The following RBBP8 variants were observed in gnomAD, a reference collection of about 807,000 sequenced individuals.
The protein encoded by RBBP8 is RB binding protein 8, endonuclease.
In RBBP8, 88 loss-of-function variants were observed where a neutral mutation model predicts 108.3. That is an observed-to-expected ratio of 0.81 (90% confidence interval 0.68 to 0.97). RBBP8 has a LOEUF of 0.97. RBBP8 is among the 50% of genes least tolerant of loss of function. RBBP8 has a pLI of 0.00. For synonymous variants in RBBP8, 332 were observed against 348.2 expected, an observed-to-expected ratio of 0.95 and a Z score of 0.52; for missense variants, 1,023 against 1,049.0, an observed-to-expected ratio of 0.98 and a Z score of 0.34.
At chr18:22,945,656 TTA>T (rs1911498654) in intron 2 of RBBP8, among the ~76,000 whole-genome samples, 1 of 151,930 alleles carries the variant, frequency 6.6e-6, no homozygotes, top group South Asian at 2.1e-4. Context: ...GGTGCTGGTA[TTA>T]CAGGCATGAA....
intron 14 of RBBP8, among the ~76,000 whole-genome samples, chr18:23,000,735 C>A (rs1433530863): frequency 6.8e-6 from 1 of 146,016 alleles, no homozygotes. Flanking sequence ...AGCAAGACTC[C>A]GTCTCAAAAA....
At chr18:22,975,813 G>A (rs1050934060) in intron 6 of RBBP8, among the ~76,000 whole-genome samples, 10 of 151,994 alleles carry the variant, frequency 6.6e-5, no homozygotes, top group African/African-American at 1.7e-4. Flanking sequence ...TCTTACAGCT[G>A]GTAGGTAATA....
rs886053659 is a variant in RBBP8 at position 22,936,769 on chromosome 18, A to G, written c.-83A>G. On this transcript the variant is annotated 5_prime_UTR_variant, in exon 2 of 19. Transcript: ENST00000327155. Reference sequence around the variant, plus strand: ...GTCATTTCAGGTATTTGACCTGTCCAAAGACGACTTGATACCTCTATAATG... The same window carrying G: ...GTCATTTCAGGTATTTGACCTGTCCGAAGACGACTTGATACCTCTATAATG... The G allele has an allele frequency of 1.1e-5, 17 of 1,544,154 alleles. No homozygotes were observed. The highest frequency in any genetic ancestry group is 1.4e-5 in the Non-Finnish European group (16 of 1,119,566).
chr18:22,997,193 G>GCTAAATACAC (rs2045874407), intron 13 of RBBP8, among the ~76,000 whole-genome samples: 2 of 152,302 alleles, frequency 1.3e-5, no homozygotes, highest in Admixed American at 6.5e-5. Flanking sequence ...AGTTTCAGAA[G>GCTAAATACAC]TTCTCTTTCA....
At chr18:23,016,350 G>T (rs2046255388) in intron 16 of RBBP8, among the ~76,000 whole-genome samples, 1 of 152,040 alleles carries the variant, frequency 6.6e-6, no homozygotes, top group African/African-American at 2.4e-5. Context: ...TTCAAGACTA[G>T]CCTGGCCAAC....
chr18:22,986,660 C>T (rs1391674612), intron 8 of RBBP8, among the ~76,000 whole-genome samples: 3 of 152,072 alleles, frequency 2.0e-5, no homozygotes, highest in Non-Finnish European at 4.4e-5. Flanking sequence ...AAAGAGGGAA[C>T]AATTGCTACA....
chr18:23,008,590 T>C (rs914382688), intron 16 of RBBP8, among the ~76,000 whole-genome samples: 2 of 152,104 alleles, frequency 1.3e-5, no homozygotes, highest in Non-Finnish European at 2.9e-5. Context: ...AAAGGAAGCT[T>C]CTTTCATAGG....
intron 13 of RBBP8, 144 bp from the exon 14 acceptor site, chr18:22,997,476 A>C: frequency 1.5e-6 from 1 of 649,580 alleles, no homozygotes; most frequent in Non-Finnish European, 2.8e-6. Context: ...CCTGTTCGTA[A>C]AGTATAAAAG....
At chr18:23,005,910 G>C (rs1028317661) in intron 15 of RBBP8, among the ~76,000 whole-genome samples, 1 of 152,080 alleles carries the variant, frequency 6.6e-6, no homozygotes, top group Admixed American at 6.6e-5. Flanking sequence ...GCAGAGGCAG[G>C]GTGCAGTGGC....
intron 2 of RBBP8, among the ~76,000 whole-genome samples, chr18:22,943,270 T>C (rs1292618447): frequency 1.3e-5 from 2 of 152,050 alleles, no homozygotes; most frequent in Non-Finnish European, 2.9e-5. Context: ...ACCCTGTCTC[T>C]ACAAAAAACA....
intron 16 of RBBP8, among the ~76,000 whole-genome samples, chr18:23,012,275 G>A (rs946489775): frequency 4.0e-5 from 6 of 148,992 alleles, no homozygotes; most frequent in African/African-American, 1.5e-4. Context: ...AGGAAGAGTT[G>A]CACATCTCTT....
At position 22,988,397 on chromosome 18, in the gene RBBP8, A is replaced by G. The variant is rs1408455598; in HGVS notation, c.710-824A>G. Among the ~76,000 whole-genome samples, 5 of 152,112 alleles carry G rather than the reference A, an allele frequency of 3.3e-5. No individual in the cohort carries two copies. In the East Asian group the frequency reaches 7.7e-4, roughly 23 times the overall value. Reference sequence around the variant, plus strand: ...TCTGTAGTTTGACTTCTAGCAGTCAAACCACGCGTAGTTCCCTGAACAAGC... The same window carrying G: ...TCTGTAGTTTGACTTCTAGCAGTCAGACCACGCGTAGTTCCCTGAACAAGC... On this transcript the variant is annotated intron_variant, in intron 8 of 18. Coordinates refer to ENST00000327155, the MANE Select transcript of RBBP8 (RefSeq NM_002894.3).
At chr18:22,956,948 C>CA in intron 4 of RBBP8, among the ~76,000 whole-genome samples, 1 of 152,058 alleles carries the variant, frequency 6.6e-6, no homozygotes, top group East Asian at 1.9e-4. Context: ...AGATAGAACG[C>CA]ATTTTTTTTG....
chr18:22,991,398 C>T (rs1197348069), intron 10 of RBBP8, among the ~76,000 whole-genome samples: 5 of 152,172 alleles, frequency 3.3e-5, no homozygotes, highest in Non-Finnish European at 7.4e-5. Context: ...GGATGAGCTT[C>T]CAAGATTGTG....
intron 6 of RBBP8, among the ~76,000 whole-genome samples, chr18:22,977,419 A>C (rs1243055536): frequency 2.0e-5 from 3 of 152,052 alleles, no homozygotes; most frequent in Non-Finnish European, 2.9e-5. Flanking sequence ...ATGATAGGGC[A>C]GTTATTAGTG....
intron 3 of RBBP8, among the ~76,000 whole-genome samples, chr18:22,925,529 A>G (rs1909761001): frequency 6.6e-6 from 1 of 152,252 alleles, no homozygotes; most frequent in Admixed American, 6.5e-5. Context: ...TTAAAGATAT[A>G]TCTGTAATCT....
chr18:23,005,415 A>AT (rs2046024543), intron 15 of RBBP8, among the ~76,000 whole-genome samples: 2 of 151,794 alleles, frequency 1.3e-5, no homozygotes, highest in African/African-American at 4.8e-5. Flanking sequence ...TTATGTGTAA[A>AT]TTTTTTTTAT....
intron 3 of RBBP8, among the ~76,000 whole-genome samples, chr18:22,917,631 G>A (rs1909411198): frequency 6.6e-6 from 1 of 152,114 alleles, no homozygotes; most frequent in Non-Finnish European, 1.5e-5. Flanking sequence ...AGTAAGAGAA[G>A]TCAACTTTAA....
intron 18 of RBBP8, among the ~76,000 whole-genome samples, chr18:23,022,953 T>C (rs901816748): frequency 1.3e-5 from 2 of 151,984 alleles, no homozygotes; most frequent in Admixed American, 1.3e-4. Context: ...GGCTGGAGTG[T>C]AGTGGCATGC....
Sources: gnomAD v4.1 joint callset for allele counts (sites outside exome capture counted in the v4.1 genomes callset) on GRCh38, gnomAD v4.1.1 for gene constraint, MANE v1.5 for transcripts, NCBI Gene and HGNC (gene_info 2026-07-23, HGNC 2026-07-21) for gene names.